AP3D1: variants seen among roughly 807,000 people sequenced by gnomAD.
AP3D1 encodes adaptor related protein complex 3 subunit delta 1.
AP3D1 carries 51 observed loss-of-function variants against 147.6 expected under a neutral mutation model. That is an observed-to-expected ratio of 0.35 (90% CI 0.28 to 0.44). The LOEUF (loss-of-function observed/expected upper bound fraction) is 0.44, where lower values mean the gene tolerates loss of function less well. Ranked by LOEUF, AP3D1 falls within the 20% of genes least tolerant of loss-of-function variation. The pLI, the probability that AP3D1 is intolerant of heterozygous loss-of-function variation, is 1.00. For synonymous variants in AP3D1, 760 were observed against 663.0 expected (o/e 1.15, Z -2.25); for missense variants, 1,421 against 1,624.2 (o/e 0.87, Z 2.15).
At chr19:2,148,894 T>C (rs925295412) in intron 1 of AP3D1, among the ~76,000 whole-genome samples, 1 of 152,120 alleles carries the variant, frequency 6.6e-6, no homozygotes, top group Non-Finnish European at 1.5e-5. Flanking sequence ...CTGCAGAAAA[T>C]GCGCACACTG....
rs1238249572 is a variant in AP3D1, at chr19:2,102,277, G to C, written c.3553-9C>G. 2.5e-6 allele frequency: 4 copies of C among 1,607,148 alleles called. No individual in the cohort carries two copies. The highest frequency in any genetic ancestry group is 3.4e-6 in the Non-Finnish European group (4 of 1,174,102). On this transcript the variant is annotated splice_polypyrimidine_tract_variant and intron_variant, in intron 31 of 31. Coordinates refer to ENST00000643116, the MANE Select transcript of AP3D1 (RefSeq NM_001261826.3). Reference sequence around the variant, plus strand: ...GAGACAGAGTTCTCACCCTGTGTAAGGAAAAAAGATGGATATTTTAAAAGT... The same window carrying C: ...GAGACAGAGTTCTCACCCTGTGTAACGAAAAAAGATGGATATTTTAAAAGT...
intron 5 of AP3D1, 44 bp from the exon 6 acceptor site, chr19:2,130,581 C>A (rs1336202573): frequency 6.2e-7 from 1 of 1,607,502 alleles, no homozygotes; most frequent in Non-Finnish European, 8.5e-7. Context: ...TTCTGCGCCT[C>A]ATCCCTGCTC....
intron 14 of AP3D1, among the ~76,000 whole-genome samples, 158 bp downstream of exon 14, chr19:2,120,704 T>C (rs966077835): frequency 2.0e-5 from 3 of 152,068 alleles, no homozygotes; most frequent in Non-Finnish European, 2.9e-5. Context: ...GGCCCGACCA[T>C]TGTCAGGGGA....
At chr19:2,163,157 T>A (rs905595931) in intron 1 of AP3D1, among the ~76,000 whole-genome samples, 3 of 152,158 alleles carry the variant, frequency 2.0e-5, no homozygotes, top group South Asian at 2.1e-4. Context: ...CACTGCAACC[T>A]CTGCCTCCTG....
At chr19:2,156,253 C>T (rs1424729926), upstream of AP3D1, among the ~76,000 whole-genome samples, 1 of 152,054 alleles carries the variant, frequency 6.6e-6, no homozygotes, top group Non-Finnish European at 1.5e-5. Context: ...GAGATGGGGA[C>T]ATTTGTCATC....
chr19:2,145,256 G>C (rs1040412931), intron 1 of AP3D1, among the ~76,000 whole-genome samples: 1 of 152,226 alleles, frequency 6.6e-6, no homozygotes, highest in Admixed American at 6.5e-5. Flanking sequence ...AGTCACAGAT[G>C]AGCAGGAGCA....
At chr19:2,113,784 T>C (rs1397492874) in intron 22 of AP3D1, among the ~76,000 whole-genome samples, 1 of 152,186 alleles carries the variant, frequency 6.6e-6, no homozygotes. Context: ...TTTCTCTATG[T>C]GAAAATCTGC....
chr19:2,113,969 CAT>C (rs1351564030), intron 22 of AP3D1, among the ~76,000 whole-genome samples, 154 bp downstream of exon 22: 4 of 152,194 alleles, frequency 2.6e-5, no homozygotes, highest in African/African-American at 9.6e-5. Context: ...TCAGAAGCCA[CAT>C]GTCCTCACTC....
chr19:2,103,275 T>C (rs969605128), intron 31 of AP3D1, among the ~76,000 whole-genome samples: 1 of 151,308 alleles, frequency 6.6e-6, no homozygotes, highest in Non-Finnish European at 1.5e-5. Flanking sequence ...CACCTGGGTC[T>C]CCCGTGGGAG....
At chr19:2,126,253 G>A (rs938716871) in intron 9 of AP3D1, among the ~76,000 whole-genome samples, 5 of 149,330 alleles carry the variant, frequency 3.3e-5, no homozygotes, top group African/African-American at 1.3e-4. Context: ...AATGCCCCGT[G>A]AGGCTTTGGC....
intron 8 of AP3D1, among the ~76,000 whole-genome samples, chr19:2,127,811 G>A (rs1026041593): frequency 6.6e-6 from 1 of 152,234 alleles, no homozygotes; most frequent in Non-Finnish European, 1.5e-5. Context: ...ACAGGCGTGA[G>A]CCACAGCTCC....
At chr19:2,102,292 A>T (rs1197434976) in intron 31 of AP3D1, 24 bp from the exon 32 acceptor site, 1 of 1,595,692 alleles carries the variant, frequency 6.3e-7, no homozygotes, top group Non-Finnish European at 8.6e-7. Context: ...AAAGATGGAT[A>T]TTTTAAAAGT....
Position 2,115,532 on chromosome 19 carries a change from A to G in AP3D1, c.2149+6T>C. ...AATGCGGCGCCGACACACCGGAGAC[A>G]CTTGCCTGGAACCTTCAAGGGGACG... On this transcript the variant is annotated splice_donor_region_variant and intron_variant, in intron 19 of 31. Coordinates refer to ENST00000643116, the MANE Select transcript of AP3D1 (RefSeq NM_001261826.3). 1.2e-6 allele frequency: 2 copies of G among 1,613,008 alleles called. No individual in the cohort carries two copies. The highest frequency in any genetic ancestry group is 1.7e-6 in the Non-Finnish European group (2 of 1,179,730).
Position 2,114,108 on chromosome 19 carries a change from C to G in AP3D1, c.2601+17G>C, listed in dbSNP as rs1339807005. ...GAGGGGAATGGAGAAGGCCGCCGCC[C>G]TGGGCACTAGCCTTACCTTCTTCTC... On this transcript the variant is annotated intron_variant, in intron 22 of 31. Transcript: ENST00000643116. The G allele has an allele frequency of 1.1e-5, 17 of 1,551,492 alleles. No individual in the cohort carries two copies. Among genetic ancestry groups the G allele is most frequent in the Non-Finnish European group, 1.3e-5 (15 of 1,148,018 alleles).
rs144713782 is a variant in AP3D1 at position 2,104,598 on chromosome 19, C to T, written c.3553-2330G>A. Reference sequence around the variant, plus strand: ...GCAGAAACCAACACGAAGACCCCAACGTGCAGACCCCAACACCAAGGCCAT... The same window carrying T: ...GCAGAAACCAACACGAAGACCCCAATGTGCAGACCCCAACACCAAGGCCAT... On this transcript the variant is annotated intron_variant, in intron 31 of 31. Coordinates refer to ENST00000643116, the MANE Select transcript of AP3D1 (RefSeq NM_001261826.3). 2.9e-3 allele frequency among the ~76,000 whole-genome samples: 440 copies of T among 151,416 alleles called. 2 individuals are homozygous for T. The highest frequency in any genetic ancestry group is 0.01 in the African/African-American group (420 of 41,228).
chr19:2,123,855 A>G lies in AP3D1; in HGVS notation c.881T>C (p.Met294Thr). The G allele has an allele frequency of 6.3e-7, 1 of 1,578,710 alleles. No homozygotes were observed. The highest frequency in any genetic ancestry group is 8.6e-7 in the Non-Finnish European group (1 of 1,162,438). ...CTGGATGCTGGCGCTGTGGTTGGGCATGCCGGAGGACAGCGAGATGAGCAC... is the reference window on the plus strand; with the variant it reads ...CTGGATGCTGGCGCTGTGGTTGGGCGTGCCGGAGGACAGCGAGATGAGCAC... ...IAVLISLSSG[M>T]PNHSASIQLC... The change falls in exon 10 of 32, where the codon ATG becomes ACG. Residue 294 changes from methionine to threonine, a missense_variant. Transcript: ENST00000643116.
At chr19:2,123,490 C>T in intron 10 of AP3D1, 84 bp from the exon 11 acceptor site, 1 of 1,463,224 alleles carries the variant, frequency 6.8e-7, no homozygotes, top group Non-Finnish European at 9.4e-7. Context: ...TCAACCTCAA[C>T]CTGGCCTAAG....
intron 1 of AP3D1, among the ~76,000 whole-genome samples, chr19:2,141,115 G>C (rs1346362125): frequency 6.6e-6 from 1 of 152,094 alleles, no homozygotes; most frequent in Non-Finnish European, 1.5e-5. Context: ...AGACCCAAAA[G>C]ATTATATTAT....
At chr19:2,135,672 C>G (rs1377353780) in intron 4 of AP3D1, among the ~76,000 whole-genome samples, 1 of 152,166 alleles carries the variant, frequency 6.6e-6, no homozygotes, top group Non-Finnish European at 1.5e-5. Flanking sequence ...CAGGGGCAGG[C>G]ACCAGGTCAG....
Sources: gnomAD v4.1 joint callset for allele counts (sites outside exome capture counted in the v4.1 genomes callset) on GRCh38, gnomAD v4.1.1 for gene constraint, MANE v1.5 for transcripts, NCBI Gene and HGNC (gene_info 2026-07-23, HGNC 2026-07-21) for gene names.